Variants in DCC observed in about 807,000 individuals in gnomAD.
DCC encodes the protein DCC netrin 1 receptor, also known as netrin receptor DCC.
In DCC, 58 loss-of-function variants were observed where a neutral mutation model predicts 172.5. The observed-to-expected ratio is 0.34, with a 90% CI of 0.27 to 0.42. The LOEUF is 0.42. Ranked by LOEUF, DCC falls within the 10% of genes least tolerant of loss-of-function variation. The pLI is 1.00. For synonymous variants in DCC, 709 were observed against 644.5 expected (o/e 1.10, Z -1.52); for missense variants, 1,740 against 1,791.0 (o/e 0.97, Z 0.51).
At chr18:52,387,515 G>A (rs1466521810) in intron 1 of DCC, among the ~76,000 whole-genome samples, 1 of 151,982 alleles carries the variant, frequency 6.6e-6, no homozygotes, top group Non-Finnish European at 1.5e-5. Flanking sequence ...AGAGACACCA[G>A]CTTCCTTTAA....
chr18:52,441,541 C>A (rs554811148), intron 1 of DCC, among the ~76,000 whole-genome samples: 1 of 152,164 alleles, frequency 6.6e-6, no homozygotes, highest in South Asian at 2.1e-4. Context: ...TGGAACATTC[C>A]TCTGCCTTTT....
intron 5 of DCC, among the ~76,000 whole-genome samples, chr18:53,046,938 T>A (rs1207196000): frequency 6.6e-6 from 1 of 151,610 alleles, no homozygotes; most frequent in Non-Finnish European, 1.5e-5. Context: ...TTTAATGCAG[T>A]GGCTTTTCCC....
intron 25 of DCC, among the ~76,000 whole-genome samples, chr18:53,471,499 C>A (rs377195816): frequency 2.0e-5 from 3 of 152,232 alleles, no homozygotes; most frequent in Middle Eastern, 3.4e-3. Flanking sequence ...TAATGTTGTT[C>A]CTCTGTGACT....
chr18:52,700,361 A>ATG, intron 1 of DCC, among the ~76,000 whole-genome samples: 1 of 150,064 alleles, frequency 6.7e-6, no homozygotes, highest in Middle Eastern at 3.5e-3. Context: ...TCACATGCAC[A>ATG]CACACACATG....
intron 1 of DCC, among the ~76,000 whole-genome samples, chr18:52,413,493 G>A (rs1207028114): frequency 6.6e-6 from 1 of 151,776 alleles, no homozygotes; most frequent in African/African-American, 2.4e-5. Context: ...CTATAAATAT[G>A]TAGAGATAAA....
rs1273036338 is a variant in DCC, at chr18:53,240,035, A to AC, written c.1911+24438_1911+24439insC. ...ATTCTAGTTCTAGAGTTAAAAAAAAAAAAAAAAAAAAAAAACAACAAAACA... is the reference window on the plus strand; with the variant it reads ...ATTCTAGTTCTAGAGTTAAAAAAAAACAAAAAAAAAAAAAAACAACAAAACA... On this transcript the variant is annotated intron_variant, in intron 12 of 28. Transcript: ENST00000442544. 2.9e-5 allele frequency among the ~76,000 whole-genome samples: 4 copies of AC among 138,634 alleles called. No individual in the cohort carries two copies. In the East Asian group the frequency reaches 6.9e-4, roughly 24 times the overall value. The allele number at this position is 138,634 out of a possible 152,430, so 90.9% of individuals were successfully genotyped here. A position where few individuals can be genotyped will look rare whatever the true frequency, so the allele number is the denominator to read the frequency against.
At chr18:53,283,686 G>T (rs917328149) in intron 12 of DCC, among the ~76,000 whole-genome samples, 15 of 152,076 alleles carry the variant, frequency 9.9e-5, no homozygotes, top group African/African-American at 3.6e-4. Flanking sequence ...TAAAACATAG[G>T]CCAGGATTAC....
intron 1 of DCC, among the ~76,000 whole-genome samples, chr18:52,588,043 C>T (rs1194932138): frequency 6.6e-6 from 1 of 152,172 alleles, no homozygotes; most frequent in African/African-American, 2.4e-5. Context: ...AGAAAGCACC[C>T]AGTTCATGAC....
intron 1 of DCC, among the ~76,000 whole-genome samples, chr18:52,348,170 C>T (rs1241482029): frequency 3.3e-5 from 5 of 152,194 alleles, no homozygotes; most frequent in Non-Finnish European, 7.3e-5. Flanking sequence ...ATTTCAGTCA[C>T]TTTCTCTGGT....
At chr18:53,085,993 T>TTATTATTATTATTATTATTATTATTA (rs1568294164) in intron 7 of DCC, among the ~76,000 whole-genome samples, 2 of 54,820 alleles carry the variant, frequency 3.6e-5, no homozygotes, top group African/African-American at 2.2e-4. Context: ...CTTCTTCTCC[T>TTATTATTATTATTATTATTATTATTA]TCTCCTTCTT....
intron 1 of DCC, among the ~76,000 whole-genome samples, chr18:52,563,188 T>C (rs2033079746): frequency 6.6e-6 from 1 of 152,120 alleles, no homozygotes. Context: ...TAAAGCTGGG[T>C]CTATCTGGAT....
intron 12 of DCC, among the ~76,000 whole-genome samples, chr18:53,285,522 G>T (rs1293431099): frequency 6.6e-6 from 1 of 152,234 alleles, no homozygotes; most frequent in African/African-American, 2.4e-5. Context: ...GTATGGAAAT[G>T]CCTGGATGCC....
chr18:53,169,541 T>C (rs2054980101), intron 8 of DCC, among the ~76,000 whole-genome samples: 1 of 152,164 alleles, frequency 6.6e-6, no homozygotes, highest in South Asian at 2.1e-4. Flanking sequence ...TCCACCACAC[T>C]GCCAACTTAG....
intron 3 of DCC, among the ~76,000 whole-genome samples, chr18:52,915,621 G>A (rs148034007): frequency 2.0e-4 from 30 of 152,110 alleles, no homozygotes; most frequent in African/African-American, 7.0e-4. Context: ...AATGTGTCAG[G>A]TTATATGATC....
At chr18:53,061,316 T>C (rs1006357418) in intron 5 of DCC, among the ~76,000 whole-genome samples, 8 of 152,094 alleles carry the variant, frequency 5.3e-5, no homozygotes, top group Admixed American at 5.2e-4. Context: ...CCTAATCCTT[T>C]CTATTCCTAC....
intron 21 of DCC, among the ~76,000 whole-genome samples, chr18:53,431,110 G>T (rs1911581632): frequency 6.6e-6 from 1 of 151,926 alleles, no homozygotes; most frequent in African/African-American, 2.4e-5. Flanking sequence ...ATATATAAAA[G>T]CTATTTTGAA....
At chr18:52,989,059 G>T (rs934119853) in intron 5 of DCC, among the ~76,000 whole-genome samples, 1 of 151,860 alleles carries the variant, frequency 6.6e-6, no homozygotes, top group Admixed American at 6.6e-5. Flanking sequence ...AAATGTTGTG[G>T]TTTTAAATTC....
intron 22 of DCC, among the ~76,000 whole-genome samples, chr18:53,449,879 G>A (rs562869541): frequency 6.6e-6 from 1 of 152,118 alleles, no homozygotes; most frequent in South Asian, 2.1e-4. Context: ...AGTATACCCT[G>A]TATCTGTTAG....
chr18:52,981,701 TTATG>T (rs1398012419), intron 5 of DCC, among the ~76,000 whole-genome samples: 4 of 152,202 alleles, frequency 2.6e-5, no homozygotes, highest in Non-Finnish European at 5.9e-5. Context: ...GTATACATCT[TTATG>T]TATAACTCAC....
Sources: gnomAD v4.1 joint callset for allele counts (sites outside exome capture counted in the v4.1 genomes callset) on GRCh38, gnomAD v4.1.1 for gene constraint, MANE v1.5 for transcripts, NCBI Gene and HGNC (gene_info 2026-07-23, HGNC 2026-07-21) for gene names.